The following ARHGAP24 variants were observed in gnomAD, a reference collection of about 807,000 sequenced individuals.
ARHGAP24 encodes rho GTPase-activating protein 24.
A neutral mutation model predicts 76.4 loss-of-function variants in ARHGAP24; 50 were observed. That is an observed-to-expected ratio of 0.65 (90% CI 0.52 to 0.83). ARHGAP24 has a LOEUF of 0.83. ARHGAP24 is among the 40% of genes least tolerant of loss of function. The pLI is 0.00. For synonymous variants in ARHGAP24, 345 were observed against 323.3 expected (o/e 1.07, Z -0.72); for missense variants, 930 against 914.2 (o/e 1.02, Z -0.22).
At chr4:85,658,959 G>C (rs570287269) in intron 2 of ARHGAP24, among the ~76,000 whole-genome samples, 1 of 152,314 alleles carries the variant, frequency 6.6e-6, no homozygotes, top group Non-Finnish European at 1.5e-5. Flanking sequence ...TTTGCTGAGA[G>C]ATTTATGTGG....
chr4:85,665,794 T>G (rs534801638), intron 2 of ARHGAP24, among the ~76,000 whole-genome samples: 2 of 152,336 alleles, frequency 1.3e-5, no homozygotes, highest in South Asian at 2.1e-4. Flanking sequence ...TGGCTGGATA[T>G]GAAATTCTGG....
intron 3 of ARHGAP24, among the ~76,000 whole-genome samples, chr4:85,788,154 G>T (rs559661936): frequency 6.6e-6 from 1 of 152,076 alleles, no homozygotes; most frequent in East Asian, 1.9e-4. Context: ...GCCTATGTGC[G>T]CAGGAGATGA....
At chr4:85,654,364 C>T (rs28673773) in intron 2 of ARHGAP24, among the ~76,000 whole-genome samples, 1 of 152,058 alleles carries the variant, frequency 6.6e-6, no homozygotes, top group Non-Finnish European at 1.5e-5. Flanking sequence ...CTTAAAGGTT[C>T]TATCTCCAAA....
At chr4:85,988,257 A>G (rs1354036895) in intron 8 of ARHGAP24, among the ~76,000 whole-genome samples, 1 of 151,844 alleles carries the variant, frequency 6.6e-6, no homozygotes, top group Admixed American at 6.6e-5. Flanking sequence ...AGCACTACAC[A>G]GCAATAATAT....
At chr4:85,675,652 T>C (rs1222426211) in intron 2 of ARHGAP24, among the ~76,000 whole-genome samples, 2 of 152,180 alleles carry the variant, frequency 1.3e-5, no homozygotes, top group Non-Finnish European at 2.9e-5. Flanking sequence ...GGAAAAGTGA[T>C]TACATTGAGC....
chr4:85,680,164 C>G (rs1316257717), intron 2 of ARHGAP24, among the ~76,000 whole-genome samples: 2 of 152,138 alleles, frequency 1.3e-5, no homozygotes, highest in African/African-American at 4.8e-5. Flanking sequence ...ATCTGATCGG[C>G]ATGAGCAGTA....
intron 1 of ARHGAP24, among the ~76,000 whole-genome samples, chr4:85,569,300 C>A (rs1726980406): frequency 6.6e-6 from 1 of 152,118 alleles, no homozygotes; most frequent in Admixed American, 6.5e-5. Flanking sequence ...TAATCAATAT[C>A]TTTATAACCT....
intron 2 of ARHGAP24, among the ~76,000 whole-genome samples, chr4:85,602,968 T>C (rs967568556): frequency 1.3e-5 from 2 of 152,240 alleles, no homozygotes; most frequent in Non-Finnish European, 1.5e-5. Flanking sequence ...ATGTCTAATA[T>C]GTTAGGGATT....
At chr4:85,526,096 A>G (rs1354524880) in intron 1 of ARHGAP24, among the ~76,000 whole-genome samples, 5 of 152,162 alleles carry the variant, frequency 3.3e-5, no homozygotes, top group Admixed American at 1.3e-4. Flanking sequence ...TTGACTGGAC[A>G]GAGCATGAAA....
At chr4:85,503,966 A>C (rs1040825028) in intron 1 of ARHGAP24, among the ~76,000 whole-genome samples, 11 of 152,158 alleles carry the variant, frequency 7.2e-5, no homozygotes, top group Middle Eastern at 3.4e-3. Context: ...GCCTTCATTT[A>C]GTTATTTACC....
In ARHGAP24 at chr4:85,495,372, A is replaced by G. The variant is rs1358219722; in HGVS notation, c.-21+19813A>G. Among the ~76,000 whole-genome samples the G allele has an allele frequency of 1.4e-4, 13 of 90,516 alleles. No homozygotes were observed. In the South Asian group the frequency reaches 4.3e-3, roughly 30 times the overall value. The allele number at this position is 90,516 out of a possible 152,430, so 59.4% of individuals were successfully genotyped here. A position where few individuals can be genotyped will look rare whatever the true frequency, so the allele number is the denominator to read the frequency against. ...TTTTTTTTTTTTTTTTTTTTTTGAG[A>G]TGGAGTCTCACTCTGTTGCCCAGGC... On this transcript the variant is annotated intron_variant, in intron 1 of 9. Coordinates refer to ENST00000395184, the MANE Select transcript of ARHGAP24 (RefSeq NM_001025616.3).
chr4:85,670,901 A>C (rs1722794263), intron 2 of ARHGAP24, among the ~76,000 whole-genome samples: 1 of 152,184 alleles, frequency 6.6e-6, no homozygotes, highest in South Asian at 2.1e-4. Flanking sequence ...AATGTTTAAG[A>C]AAATGTACAT....
In ARHGAP24 at chr4:85,643,234, G is replaced by GGT. The variant is rs1721592118; in HGVS notation, c.180+72513_180+72514insGT. Reference sequence around the variant, plus strand: ...TCTTTTTTATTTTCCGTTTTTTTGTGTTTTTTTTTTTTTTTTTTTTTTTTT... The same window carrying GGT: ...TCTTTTTTATTTTCCGTTTTTTTGTGGTTTTTTTTTTTTTTTTTTTTTTTTTT... On this transcript the variant is annotated intron_variant, in intron 2 of 9. Coordinates refer to ENST00000395184, the MANE Select transcript of ARHGAP24 (RefSeq NM_001025616.3). Among the ~76,000 whole-genome samples the GGT allele has an allele frequency of 9.2e-5, 5 of 54,630 alleles. 1 individual carries two copies. The highest frequency in any genetic ancestry group is 3.0e-4 in the African/African-American group (5 of 16,944). 35.8% of individuals were successfully genotyped at this position (54,630 alleles called of 152,430 possible).
chr4:85,749,654 C>T (rs1039247738), intron 3 of ARHGAP24, among the ~76,000 whole-genome samples: 8 of 152,294 alleles, frequency 5.3e-5, no homozygotes, highest in African/African-American at 1.9e-4. Flanking sequence ...CCACTGCAAC[C>T]TCCCAGGTTC....
At chr4:85,610,799 A>G (rs772065935) in intron 2 of ARHGAP24, among the ~76,000 whole-genome samples, 7 of 152,178 alleles carry the variant, frequency 4.6e-5, no homozygotes, top group Non-Finnish European at 7.3e-5. Flanking sequence ...CAGGCCTCCT[A>G]CAGTAGTGCC....
intron 3 of ARHGAP24, among the ~76,000 whole-genome samples, chr4:85,744,116 C>T (rs1338658692): frequency 6.6e-6 from 1 of 152,126 alleles, no homozygotes; most frequent in Non-Finnish European, 1.5e-5. Flanking sequence ...CCAGTGGTTC[C>T]AGTGTGTTTG....
intron 1 of ARHGAP24, among the ~76,000 whole-genome samples, chr4:85,552,717 CATAT>C (rs1253453541): frequency 6.6e-6 from 1 of 152,140 alleles, no homozygotes; most frequent in Non-Finnish European, 1.5e-5. Context: ...CAAGTGCATA[CATAT>C]ATTTAGGATA....
chr4:85,810,261 T>G (rs1383202710), intron 3 of ARHGAP24, among the ~76,000 whole-genome samples: 1 of 152,204 alleles, frequency 6.6e-6, no homozygotes, highest in Non-Finnish European at 1.5e-5. Context: ...GTCCTTAACC[T>G]TTATATGATT....
chr4:85,493,379 A>G (rs1723433468), intron 1 of ARHGAP24, among the ~76,000 whole-genome samples: 4 of 152,226 alleles, frequency 2.6e-5, no homozygotes, highest in South Asian at 4.1e-4. Flanking sequence ...TTCTATCTTC[A>G]TAATTCCTTC....
Sources: allele counts gnomAD v4.1 joint callset (sites outside exome capture counted in the v4.1 genomes callset), GRCh38; gene constraint gnomAD v4.1.1; transcripts MANE v1.5; gene names NCBI Gene and HGNC (gene_info 2026-07-23, HGNC 2026-07-21).